Variants in LRP5 observed in about 807,000 individuals in gnomAD.
The protein encoded by LRP5 is low-density lipoprotein receptor-related protein 5.
Under a neutral mutation model 154.1 loss-of-function variants are expected in LRP5, and 62 were observed. The observed-to-expected ratio is 0.40, with a 90% CI of 0.33 to 0.50. LRP5 has a LOEUF of 0.50. Ranked by LOEUF, LRP5 falls within the 20% of genes least tolerant of loss-of-function variation. The probability of loss-of-function intolerance (pLI) is 0.55; values close to 1 mark genes in which losing one functional copy is unlikely to be tolerated. For missense variants in LRP5, 1,915 were observed against 2,336.7 expected (o/e 0.82, Z 3.72); for synonymous variants, 966 against 1,011.5 (o/e 0.96, Z 0.85).
intron 5 of LRP5, among the ~76,000 whole-genome samples, chr11:68,366,980 T>C (rs2098631435): frequency 8.6e-6 from 1 of 116,820 alleles, no homozygotes; most frequent in Non-Finnish European, 1.6e-5. Flanking sequence ...CCTCTGGCGC[T>C]CGCACTCTGG....
intron 7 of LRP5, among the ~76,000 whole-genome samples, chr11:68,394,842 G>T (rs1422893069): frequency 6.6e-6 from 1 of 152,202 alleles, no homozygotes; most frequent in Non-Finnish European, 1.5e-5. Context: ...GGAATATGAG[G>T]CTTACAGGCC....
At chr11:68,357,292 C>G (rs2098623909) in intron 2 of LRP5, among the ~76,000 whole-genome samples, 1 of 144,322 alleles carries the variant, frequency 6.9e-6, no homozygotes, top group South Asian at 2.1e-4. Flanking sequence ...TTTGAATTGC[C>G]TTTTAGAGGT....
chr11:68,364,531 G>A lies in LRP5; in HGVS notation c.883+588G>A, dbSNP rs138009431. On this transcript the variant is annotated intron_variant, in intron 4 of 22. Coordinates refer to ENST00000294304, the MANE Select transcript of LRP5 (RefSeq NM_002335.4). ...GCCACCATGCTTGGCCCTGCAAGTC[G>A]CGTATTTATCAATGAATAATCTGCC... Among the ~76,000 whole-genome samples, 317 of 152,062 alleles carry A rather than the reference G, an allele frequency of 2.1e-3. 1 individual carries two copies. The highest frequency in any genetic ancestry group is 7.3e-3 in the African/African-American group (301 of 41,466).
chr11:68,313,804 G>T (rs2098590788), intron 1 of LRP5, among the ~76,000 whole-genome samples: 1 of 152,232 alleles, frequency 6.6e-6, no homozygotes, highest in Admixed American at 6.5e-5. Context: ...AGGACCTCGG[G>T]CCCCTTTGTC....
intron 1 of LRP5, among the ~76,000 whole-genome samples, chr11:68,316,362 C>T (rs564412226): frequency 1.3e-4 from 20 of 152,162 alleles, no homozygotes; most frequent in African/African-American, 4.3e-4. Flanking sequence ...ACTTCTGCCT[C>T]CTGGGTTTAA....
the LRP5 span, among the ~76,000 whole-genome samples, chr11:68,305,700 C>T: frequency 6.6e-6 from 1 of 152,230 alleles, no homozygotes; most frequent in African/African-American, 2.4e-5. Context: ...ACCTTGGCCT[C>T]CCAAAGTGCT....
At chr11:68,299,236 C>T in the LRP5 span, among the ~76,000 whole-genome samples, 13 of 152,238 alleles carry the variant, frequency 8.5e-5, no homozygotes, top group Admixed American at 7.8e-4. Flanking sequence ...GGAAGGGGCA[C>T]GTGGAAGGGC....
intron 5 of LRP5, among the ~76,000 whole-genome samples, chr11:68,379,936 A>G (rs1481933773): frequency 1.8e-4 from 28 of 152,234 alleles, no homozygotes; most frequent in Admixed American, 1.8e-3. Flanking sequence ...GTTCCAGACC[A>G]GCCTGGCCAA....
chr11:68,332,340 G>C (rs962812574), intron 1 of LRP5, among the ~76,000 whole-genome samples: 1 of 152,234 alleles, frequency 6.6e-6, no homozygotes, highest in African/African-American at 2.4e-5. Flanking sequence ...TGGAATGGGA[G>C]GGATGGGTCC....
intron 5 of LRP5, among the ~76,000 whole-genome samples, chr11:68,372,054 C>A (rs1255054307): frequency 6.6e-6 from 1 of 152,198 alleles, no homozygotes; most frequent in Non-Finnish European, 1.5e-5. Context: ...ACGCAGGTAA[C>A]GAAGGAGGCT....
chr11:68,414,108 G>A (rs1419723431), intron 12 of LRP5, 96 bp downstream of exon 12: 1 of 1,185,514 alleles, frequency 8.4e-7, no homozygotes, highest in African/African-American at 1.5e-5. Flanking sequence ...TGGGGTTCCT[G>A]GGTGTACATA....
intron 5 of LRP5, among the ~76,000 whole-genome samples, chr11:68,376,859 C>T (rs1488745322): frequency 6.6e-6 from 1 of 152,172 alleles, no homozygotes; most frequent in African/African-American, 2.4e-5. Flanking sequence ...CATCCACGCC[C>T]CTAAATTCTT....
chr11:68,418,762 C>G (rs1210804626), intron 13 of LRP5, among the ~76,000 whole-genome samples: 1 of 152,204 alleles, frequency 6.6e-6, no homozygotes, highest in Non-Finnish European at 1.5e-5. Context: ...CAGCTGTGAT[C>G]ATTGCCTCTG....
At chr11:68,388,438 G>A (rs909977229) in intron 6 of LRP5, among the ~76,000 whole-genome samples, 5 of 152,114 alleles carry the variant, frequency 3.3e-5, no homozygotes, top group African/African-American at 4.8e-5. Context: ...CTGTGAGGTC[G>A]TGGGGTCCAG....
intron 18 of LRP5, among the ~76,000 whole-genome samples, chr11:68,434,341 TGA>T (rs1158903292): frequency 6.9e-6 from 1 of 144,598 alleles, no homozygotes; most frequent in East Asian, 2.1e-4. Flanking sequence ...GTGCCCCCTG[TGA>T]GTTTTCTTTC....
At chr11:68,410,409 G>T (rs572229206) in intron 10 of LRP5, among the ~76,000 whole-genome samples, 1 of 152,288 alleles carries the variant, frequency 6.6e-6, no homozygotes, top group East Asian at 1.9e-4. Flanking sequence ...GCCTGCGTAG[G>T]GTGGGTATCT....
intron 22 of LRP5, 149 bp downstream of exon 22, chr11:68,446,682 A>G: frequency 2.7e-6 from 2 of 736,576 alleles, no homozygotes; most frequent in Non-Finnish European, 4.8e-6. Context: ...CTGCTCTGCC[A>G]ACCACACTAG....
chr11:68,369,457 G>A (rs1440484489), intron 5 of LRP5, among the ~76,000 whole-genome samples: 1 of 152,062 alleles, frequency 6.6e-6, no homozygotes, highest in African/African-American at 2.4e-5. Flanking sequence ...GCTGGGTGTG[G>A]ACATTTGTCG....
At position 68,436,954 on chromosome 11, in the gene LRP5, G is replaced by A. The variant is rs1257556169; in HGVS notation, c.4066G>A (p.Asp1356Asn). ...GTGTGTCCTCATCAAACAGCAGTGC[G>A]ACTCCTTCCCCGACTGTATCGACGG... The part of the protein sequence containing the change: ...GQCVLIKQQC[D>N]SFPDCIDGSD... Residue 1356 changes from aspartate to asparagine, a missense_variant, in exon 19 of 23, where the codon GAC becomes AAC. This residue lies in a region of LRP5 where 1,094 missense variants were observed against 1,210.1 expected (regional missense o/e 0.90). Coordinates refer to ENST00000294304, the MANE Select transcript of LRP5 (RefSeq NM_002335.4). 6 of 1,613,770 alleles carry A rather than the reference G, an allele frequency of 3.7e-6. No individual in the cohort carries two copies. Among genetic ancestry groups the A allele is most frequent in the Admixed American group, 1.7e-5 (1 of 60,008 alleles).
Sources: gnomAD v4.1 joint callset for allele counts (sites outside exome capture counted in the v4.1 genomes callset) on GRCh38, gnomAD v4.1.1 for gene constraint, gnomAD v4.1.1 regional missense constraint, MANE v1.5 for transcripts, NCBI Gene and HGNC (gene_info 2026-07-23, HGNC 2026-07-21) for gene names.